MCTP1: variants seen among roughly 807,000 people sequenced by gnomAD.
The protein encoded by MCTP1 is multiple C2 and transmembrane domain-containing protein 1.
Under a neutral mutation model 120.6 loss-of-function variants are expected in MCTP1, and 69 were observed. The ratio of observed to expected loss-of-function variants is 0.57; its 90% CI spans 0.47 to 0.70. The LOEUF is 0.70. Ranked by LOEUF, MCTP1 falls within the 30% of genes least tolerant of loss-of-function variation. The pLI is 0.00. For synonymous variants in MCTP1, 529 were observed against 493.1 expected (o/e 1.07, Z -0.96); for missense variants, 1,203 against 1,248.8 (o/e 0.96, Z 0.55).
intron 1 of MCTP1, among the ~76,000 whole-genome samples, chr5:95,273,682 A>G (rs1200510839): frequency 6.6e-6 from 1 of 152,262 alleles, no homozygotes; most frequent in Non-Finnish European, 1.5e-5. Context: ...CTTCAAGAAT[A>G]GGAGCTATTA....
rs752276313 is a variant in MCTP1 at position 94,870,854 on chromosome 5, G to A, written c.2241+18C>T. ...CTGAACTCTTTAGCAGTACAAAAAAGCCAAAGTTAAGACTTACAGCATTAA... is the reference window on the plus strand; with the variant it reads ...CTGAACTCTTTAGCAGTACAAAAAAACCAAAGTTAAGACTTACAGCATTAA... On this transcript the variant is annotated intron_variant, in intron 15 of 22. Transcript: ENST00000515393. 1 of 1,560,570 alleles carries A rather than the reference G, an allele frequency of 6.4e-7. No homozygotes were observed.
At chr5:94,778,967 A>C in intron 19 of MCTP1, 143 bp downstream of exon 19, 1 of 689,740 alleles carries the variant, frequency 1.4e-6, no homozygotes, top group East Asian at 2.7e-5. Context: ...TGCAACACGC[A>C]GTGGCATTGT....
chr5:95,219,306 T>C (rs866258773), intron 1 of MCTP1, among the ~76,000 whole-genome samples: 5 of 144,714 alleles, frequency 3.5e-5, no homozygotes, highest in Middle Eastern at 7.5e-3. Context: ...GGCGTGAACC[T>C]GGGAGGCGGA....
intron 17 of MCTP1, among the ~76,000 whole-genome samples, chr5:94,862,746 C>T (rs1027043835): frequency 6.6e-6 from 1 of 151,700 alleles, no homozygotes; most frequent in African/African-American, 2.4e-5. Flanking sequence ...ACCTAATTTA[C>T]AATTTTTCAT....
At chr5:94,834,981 C>T (rs920530998) in intron 17 of MCTP1, among the ~76,000 whole-genome samples, 1 of 152,010 alleles carries the variant, frequency 6.6e-6, no homozygotes, top group Non-Finnish European at 1.5e-5. Flanking sequence ...TGCCACCACG[C>T]CCAGCTAGTT....
rs1229665910 is a variant in MCTP1, at chr5:94,707,108, TA to T, written c.*387del. The T allele has an allele frequency of 5.8e-5, 9 of 153,906 alleles. No individual in the cohort carries two copies. The highest frequency in any genetic ancestry group is 3.8e-4 in the East Asian group (2 of 5,278). The allele number at this position is 153,906 out of a possible 1,614,324, so 9.5% of individuals were successfully genotyped here. ...CTTTTCAGATAAAAAATAGTCGCAT[TA>T]AAAAAAAACTTTAAAATCAAATCGA... On this transcript the variant is annotated 3_prime_UTR_variant, in exon 23 of 23. Coordinates refer to ENST00000515393, the MANE Select transcript of MCTP1 (RefSeq NM_024717.7).
chr5:95,189,782 G>A (rs1749631867), intron 1 of MCTP1, among the ~76,000 whole-genome samples: 1 of 152,058 alleles, frequency 6.6e-6, no homozygotes. Flanking sequence ...GCTATAATTT[G>A]CATATTTTTC....
At chr5:94,926,987 T>C (rs767047624) in intron 6 of MCTP1, among the ~76,000 whole-genome samples, 1 of 152,146 alleles carries the variant, frequency 6.6e-6, no homozygotes, top group East Asian at 1.9e-4. Flanking sequence ...CCACAACATT[T>C]AGAAAAGCCA....
Position 94,708,623 on chromosome 5 carries a change from G to A in MCTP1, c.2831-14C>T, listed in dbSNP as rs1393085839. The A allele has an allele frequency of 6.6e-7, 1 of 1,509,974 alleles. No individual in the cohort carries two copies. The highest frequency in any genetic ancestry group is 1.7e-5 in the Admixed American group (1 of 59,498). The allele number at this position is 1,509,974 out of a possible 1,614,324, so 93.5% of individuals were successfully genotyped here. A position where few individuals can be genotyped will look rare whatever the true frequency, so the allele number is the denominator to read the frequency against. ...ATTTATTGATGCCTGAAACAAAGTT[G>A]GAGTTAAACAAAGCACATTTCTGAC... On this transcript the variant is annotated splice_polypyrimidine_tract_variant and intron_variant, in intron 21 of 22. Coordinates refer to ENST00000515393, the MANE Select transcript of MCTP1 (RefSeq NM_024717.7).
intron 19 of MCTP1, among the ~76,000 whole-genome samples, chr5:94,719,960 C>A (rs1459943030): frequency 6.6e-6 from 1 of 152,020 alleles, no homozygotes. Context: ...AACCCCGTCT[C>A]TACTACAAAT....
chr5:94,970,766 T>C (rs1205243065), intron 2 of MCTP1, among the ~76,000 whole-genome samples: 1 of 152,028 alleles, frequency 6.6e-6, no homozygotes, highest in Non-Finnish European at 1.5e-5. Context: ...AAATTAAACG[T>C]TTTTTAAAAG....
chr5:94,797,637 A>T (rs568383633), intron 18 of MCTP1, among the ~76,000 whole-genome samples: 14 of 152,134 alleles, frequency 9.2e-5, no homozygotes, highest in Admixed American at 5.2e-4. Flanking sequence ...AACCATTAAA[A>T]TCTCTATTAG....
At position 95,002,440 on chromosome 5, in the gene MCTP1, A is replaced by G. The variant is rs149020465; in HGVS notation, c.838+14927T>C. Reference sequence around the variant, plus strand: ...CTGTGAAAGCAACCAGGATGGGGCTAGTATCCTGAAAAGCCACAGGGCCAG... The same window carrying G: ...CTGTGAAAGCAACCAGGATGGGGCTGGTATCCTGAAAAGCCACAGGGCCAG... On this transcript the variant is annotated intron_variant, in intron 2 of 22. Coordinates refer to ENST00000515393, the MANE Select transcript of MCTP1 (RefSeq NM_024717.7). Among the ~76,000 whole-genome samples the G allele has an allele frequency of 1.6e-3, 239 of 152,318 alleles. 2 individuals carry two copies. Among genetic ancestry groups the G allele is most frequent in the African/African-American group, 5.4e-3 (226 of 41,582 alleles).
chr5:95,138,092 T>C lies in MCTP1; in HGVS notation c.721-120608A>G, dbSNP rs555646552. 1.1e-3 allele frequency among the ~76,000 whole-genome samples: 171 copies of C among 152,338 alleles called. 1 individual carries two copies. Among genetic ancestry groups the C allele is most frequent in the African/African-American group, 3.9e-3 (163 of 41,576 alleles). ...ATAGGAAGTGTTTTTCTCCCACTTT[T>C]GTTTTTCTGGTCATCTTTTACAGTA... is the stretch of plus-strand genomic sequence containing the variant. On this transcript the variant is annotated intron_variant, in intron 1 of 22. Transcript: ENST00000515393.
intron 1 of MCTP1, among the ~76,000 whole-genome samples, chr5:95,067,933 C>T (rs1751104291): frequency 6.6e-6 from 1 of 152,184 alleles, no homozygotes; most frequent in African/African-American, 2.4e-5. Flanking sequence ...TCAACATCGA[C>T]CCTTTCCCCA....
At chr5:94,880,720 C>T (rs532486390) in intron 12 of MCTP1, among the ~76,000 whole-genome samples, 2 of 152,094 alleles carry the variant, frequency 1.3e-5, no homozygotes, top group African/African-American at 2.4e-5. Context: ...GGCTCTGCTT[C>T]GAAAGTTTTA....
intron 1 of MCTP1, among the ~76,000 whole-genome samples, chr5:95,126,487 GA>G (rs1225107941): frequency 6.6e-6 from 1 of 152,120 alleles, no homozygotes; most frequent in Non-Finnish European, 1.5e-5. Flanking sequence ...CTACCTCAAT[GA>G]AAAACACAGG....
chr5:94,792,986 C>T (rs1779291091), intron 18 of MCTP1: 1 of 152,048 alleles, frequency 6.6e-6, no homozygotes. Flanking sequence ...CTGAAATTTC[C>T]ATTGAATTGG....
At chr5:95,097,101 T>G (rs1330894719) in intron 1 of MCTP1, among the ~76,000 whole-genome samples, 1 of 152,140 alleles carries the variant, frequency 6.6e-6, no homozygotes. Context: ...TTGTATATAT[T>G]AAATTTTTAA....
Sources: gnomAD v4.1 joint callset for allele counts (sites outside exome capture counted in the v4.1 genomes callset) on GRCh38, gnomAD v4.1.1 for gene constraint, MANE v1.5 for transcripts, NCBI Gene and HGNC (gene_info 2026-07-23, HGNC 2026-07-21) for gene names.